The following ROBO2 variants were observed in gnomAD, a reference collection of about 807,000 sequenced individuals.
ROBO2 encodes roundabout homolog 2.
In ROBO2, 53 loss-of-function variants were observed where a neutral mutation model predicts 160.8. The ratio of observed to expected loss-of-function variants is 0.33; its 90% CI spans 0.26 to 0.41. The LOEUF is 0.41. Among genes scored for constraint, ROBO2 ranks in the 10% least tolerant of loss-of-function variants. The pLI, the probability that ROBO2 is intolerant of heterozygous loss-of-function variation, is 1.00. For missense variants in ROBO2, 1,577 were observed against 1,722.4 expected (o/e 0.92, Z 1.49); for synonymous variants, 664 against 611.7 (o/e 1.09, Z -1.26).
At chr3:76,603,732 T>C (rs2087422794) in intron 2 of ROBO2, among the ~76,000 whole-genome samples, 1 of 152,102 alleles carries the variant, frequency 6.6e-6, no homozygotes, top group African/African-American at 2.4e-5. Context: ...CTTCTCTACC[T>C]GTCTAGAATT....
At chr3:77,594,779 C>T (rs555298055) in intron 17 of ROBO2, among the ~76,000 whole-genome samples, 30 of 152,170 alleles carry the variant, frequency 2.0e-4, no homozygotes, top group Middle Eastern at 3.4e-3. Flanking sequence ...AATTAGGACA[C>T]CTTTGTTTTA....
intron 2 of ROBO2, among the ~76,000 whole-genome samples, chr3:76,500,335 T>C (rs2080391367): frequency 6.6e-6 from 1 of 152,108 alleles, no homozygotes; most frequent in African/African-American, 2.4e-5. Context: ...CCCAGGCTGG[T>C]CTCCAACTCC....
At chr3:76,833,755 C>T (rs2067286495) in intron 2 of ROBO2, among the ~76,000 whole-genome samples, 1 of 152,144 alleles carries the variant, frequency 6.6e-6, no homozygotes, top group Non-Finnish European at 1.5e-5. Flanking sequence ...CCTCCTTCCT[C>T]CCTTTACACT....
chr3:77,063,794 A>G (rs1249889302), intron 1 of ROBO2, among the ~76,000 whole-genome samples: 1 of 152,160 alleles, frequency 6.6e-6, no homozygotes, highest in Non-Finnish European at 1.5e-5. Flanking sequence ...CTCAGCCAAA[A>G]CTACTGGTTT....
Position 77,610,670 on chromosome 3 carries a change from C to A in ROBO2, c.3293+2716C>A, listed in dbSNP as rs145276069. On this transcript the variant is annotated intron_variant, in intron 21 of 25. Coordinates refer to ENST00000461745, the Ensembl canonical transcript of ROBO2. Reference sequence around the variant, plus strand: ...AGCATTAGAATAGATTGTTAGTCAACAACTATAACAAAATTTTACTATTGT... The same window carrying A: ...AGCATTAGAATAGATTGTTAGTCAAAAACTATAACAAAATTTTACTATTGT... 1.9e-4 allele frequency among the ~76,000 whole-genome samples: 21 copies of A among 109,706 alleles called. 1 individual carries two copies. In the East Asian group the frequency reaches 6.4e-3, roughly 33 times the overall value. The allele number at this position is 109,706 out of a possible 152,430, so 72.0% of individuals were successfully genotyped here.
chr3:77,050,575 T>A (rs2065120634), intron 1 of ROBO2, among the ~76,000 whole-genome samples: 1 of 152,058 alleles, frequency 6.6e-6, no homozygotes, highest in South Asian at 2.1e-4. Context: ...TGTGTTTTTT[T>A]TTTTTGTTGT....
intron 2 of ROBO2, among the ~76,000 whole-genome samples, chr3:76,540,769 A>G (rs751158099): frequency 6.6e-6 from 1 of 152,066 alleles, no homozygotes; most frequent in African/African-American, 2.4e-5. Context: ...TGTTATTTTT[A>G]ATTTGACTTT....
At chr3:77,465,695 G>A (rs1478137874) in intron 2 of ROBO2, among the ~76,000 whole-genome samples, 3 of 152,014 alleles carry the variant, frequency 2.0e-5, no homozygotes, top group Admixed American at 2.0e-4. Flanking sequence ...CATACTTTTG[G>A]GTAAAACACA....
At chr3:76,850,360 C>A (rs745833037) in intron 2 of ROBO2, among the ~76,000 whole-genome samples, 1 of 152,068 alleles carries the variant, frequency 6.6e-6, no homozygotes, top group Non-Finnish European at 1.5e-5. Context: ...TGAGTACTTA[C>A]AACAGAAGCT....
At chr3:77,497,182 C>T (rs756528059) in intron 5 of ROBO2, among the ~76,000 whole-genome samples, 3 of 151,938 alleles carry the variant, frequency 2.0e-5, no homozygotes, top group Non-Finnish European at 2.9e-5. Context: ...AAGATATTAC[C>T]GTTTCACAAT....
chr3:75,920,306 C>T (rs1342421235), intron 1 of ROBO2, among the ~76,000 whole-genome samples: 1 of 152,188 alleles, frequency 6.6e-6, no homozygotes, highest in East Asian at 1.9e-4. Context: ...CAGTCAGAAG[C>T]AGGTTGTTCA....
At chr3:77,601,858 T>A (rs146176120) in intron 19 of ROBO2, among the ~76,000 whole-genome samples, 1 of 152,224 alleles carries the variant, frequency 6.6e-6, no homozygotes, top group Non-Finnish European at 1.5e-5. Flanking sequence ...GTGGATTCAG[T>A]ATCATTGCAA....
chr3:77,377,196 T>G (rs545800426), intron 2 of ROBO2, among the ~76,000 whole-genome samples: 2 of 152,226 alleles, frequency 1.3e-5, no homozygotes, highest in South Asian at 4.2e-4. Context: ...AAACATAAAA[T>G]TCAAAAGTAT....
chr3:77,596,733 G>C, exon 19 of ROBO2: 2 of 1,613,346 alleles, frequency 1.2e-6, no homozygotes, highest in Non-Finnish European at 1.7e-6. Flanking sequence ...AATGAGATTG[G>C]AAATTTTGGC....
intron 1 of ROBO2, among the ~76,000 whole-genome samples, chr3:75,936,789 GA>G (rs1947799955): frequency 6.6e-6 from 1 of 151,824 alleles, no homozygotes; most frequent in Admixed American, 6.6e-5. Flanking sequence ...ATATCAATAT[GA>G]AAAGCAGTTT....
chr3:77,442,587 A>G (rs1024477610), intron 2 of ROBO2, among the ~76,000 whole-genome samples: 1 of 152,202 alleles, frequency 6.6e-6, no homozygotes, highest in Admixed American at 6.5e-5. Context: ...ACAGTCTCCA[A>G]TACATGGCAC....
intron 2 of ROBO2, among the ~76,000 whole-genome samples, chr3:76,260,709 A>T (rs1245007278): frequency 6.6e-6 from 1 of 152,186 alleles, no homozygotes; most frequent in East Asian, 1.9e-4. Flanking sequence ...TGAATGAACC[A>T]GTAAGAGAGC....
intron 2 of ROBO2, among the ~76,000 whole-genome samples, chr3:76,987,514 A>G (rs952778051): frequency 6.6e-6 from 1 of 152,206 alleles, no homozygotes; most frequent in Non-Finnish European, 1.5e-5. Context: ...GTCACAAAAT[A>G]TAACTCAAAA....
chr3:77,037,952 CT>C (rs1387317531), upstream of ROBO2, among the ~76,000 whole-genome samples: 1 of 152,152 alleles, frequency 6.6e-6, no homozygotes, highest in African/African-American at 2.4e-5. Flanking sequence ...CCGAGATAAG[CT>C]GGTGGTGTGT....
Sources: gnomAD v4.1 joint callset for allele counts (sites outside exome capture counted in the v4.1 genomes callset) on GRCh38, gnomAD v4.1.1 for gene constraint, MANE v1.5 for transcripts, NCBI Gene and HGNC (gene_info 2026-07-23, HGNC 2026-07-21) for gene names.